The following WWOX variants were observed in gnomAD, a reference collection of about 807,000 sequenced individuals.
WWOX encodes the protein WW domain-containing oxidoreductase.
WWOX carries 69 observed loss-of-function variants against 46.2 expected under a neutral mutation model. The observed-to-expected ratio is 1.49, with a 90% CI of 1.23 to 1.82. The LOEUF is 1.82. Among genes scored for constraint, WWOX ranks in the 40% most tolerant of loss-of-function variants. The pLI, the probability that WWOX is intolerant of heterozygous loss-of-function variation, is 0.00. For missense variants in WWOX, 919 were observed against 542.6 expected (o/e 1.69, Z -6.89); for synonymous variants, 359 against 202.6 (o/e 1.77, Z -6.56).
intron 8 of WWOX, among the ~76,000 whole-genome samples, chr16:79,003,478 T>G (rs908711386): frequency 5.3e-5 from 8 of 152,210 alleles, no homozygotes; most frequent in African/African-American, 1.9e-4. Flanking sequence ...GACAACAGTT[T>G]TATTACATCT....
At chr16:78,402,947 C>T (rs1417485939) in intron 6 of WWOX, among the ~76,000 whole-genome samples, 1 of 152,164 alleles carries the variant, frequency 6.6e-6, no homozygotes, top group East Asian at 1.9e-4. Context: ...TGTATTTCTT[C>T]ATTAGCTATT....
rs1362285119 is a variant in WWOX, at chr16:79,186,261, G to C, written c.1057-25347G>C. ...CTGTAACAAACTGCACAGCCTAGAGGGCTTCAAACAACAGGAATATTATCT... is the reference window on the plus strand; with the variant it reads ...CTGTAACAAACTGCACAGCCTAGAGCGCTTCAAACAACAGGAATATTATCT... On this transcript the variant is annotated intron_variant, in intron 8 of 8. Transcript: ENST00000566780. Among the ~76,000 whole-genome samples the C allele has an allele frequency of 2.0e-5, 3 of 152,138 alleles. No homozygotes were observed. In the East Asian group the frequency reaches 5.8e-4, roughly 29 times the overall value.
chr16:79,060,436 C>G (rs1033925949), intron 8 of WWOX, among the ~76,000 whole-genome samples: 4 of 152,216 alleles, frequency 2.6e-5, no homozygotes, highest in African/African-American at 9.7e-5. Flanking sequence ...CTTTCTGATG[C>G]CACTGAAGAT....
At chr16:78,386,688 T>C (rs949316772) in intron 5 of WWOX, among the ~76,000 whole-genome samples, 172 bp from the exon 6 acceptor site, 7 of 100,322 alleles carry the variant, frequency 7.0e-5, no homozygotes, top group African/African-American at 2.8e-4. Context: ...CTCCCCGAAC[T>C]TGGCAGTAAA....
chr16:78,817,364 T>C (rs1045886861), intron 8 of WWOX, among the ~76,000 whole-genome samples: 2 of 152,106 alleles, frequency 1.3e-5, no homozygotes, highest in African/African-American at 4.8e-5. Flanking sequence ...GCATTTCTCC[T>C]ATTCCTAGTG....
rs184441065 is a variant in WWOX, at chr16:78,974,360, A to C, written c.1057-237248A>C. On this transcript the variant is annotated intron_variant, in intron 8 of 8. Transcript: ENST00000566780. Reference sequence around the variant, plus strand: ...TGTGTGTCACATCAATAAACATCTTAATTGAACAGTACGTGGGTTCTTCCC... The same window carrying C: ...TGTGTGTCACATCAATAAACATCTTCATTGAACAGTACGTGGGTTCTTCCC... Among the ~76,000 whole-genome samples the C allele has an allele frequency of 1.7e-3, 265 of 152,286 alleles. 1 individual carries two copies. The highest frequency in any genetic ancestry group is 5.6e-3 in the African/African-American group (234 of 41,550).
chr16:78,739,404 A>C (rs1455494200), intron 8 of WWOX, among the ~76,000 whole-genome samples: 1 of 152,180 alleles, frequency 6.6e-6, no homozygotes, highest in Non-Finnish European at 1.5e-5. Flanking sequence ...ATTGGATGTC[A>C]TGTGCTTTCA....
intron 5 of WWOX, among the ~76,000 whole-genome samples, chr16:78,207,873 C>T (rs186881251): frequency 4.6e-5 from 7 of 151,958 alleles, no homozygotes; most frequent in Admixed American, 2.6e-4. Flanking sequence ...AGTACAGTGG[C>T]GTGATCTTGG....
At chr16:78,601,321 G>C (rs1186438149) in intron 8 of WWOX, among the ~76,000 whole-genome samples, 1 of 152,004 alleles carries the variant, frequency 6.6e-6, no homozygotes, top group Non-Finnish European at 1.5e-5. Context: ...ATAAACTGTT[G>C]GAGACAGATT....
intron 8 of WWOX, among the ~76,000 whole-genome samples, chr16:79,020,814 A>G (rs763408970): frequency 9.2e-5 from 14 of 152,174 alleles, no homozygotes; most frequent in Non-Finnish European, 2.1e-4. Context: ...ATCTCCCTGA[A>G]AATAAGTGGT....
chr16:78,244,723 A>G (rs566939593), intron 5 of WWOX, among the ~76,000 whole-genome samples: 1 of 152,310 alleles, frequency 6.6e-6, no homozygotes, highest in Non-Finnish European at 1.5e-5. Flanking sequence ...CAACACTTGC[A>G]CCTGCAGTTA....
chr16:78,106,529 G>T (rs2032160356), intron 1 of WWOX, among the ~76,000 whole-genome samples: 1 of 146,840 alleles, frequency 6.8e-6, no homozygotes, highest in Non-Finnish European at 1.5e-5. Flanking sequence ...CAATTCTCCT[G>T]CCTCAGCTTC....
Position 78,460,599 on chromosome 16 carries a change from A to T in WWOX, c.1056+27847A>T, listed in dbSNP as rs1347566666. Among the ~76,000 whole-genome samples the T allele has an allele frequency of 5.9e-5, 9 of 152,162 alleles. No homozygotes were observed. The East Asian group carries it at 1.5e-3, about 26-fold the overall frequency. On this transcript the variant is annotated intron_variant, in intron 8 of 8. Transcript: ENST00000566780. Reference sequence around the variant, plus strand: ...GTTTTGCAGAACACTGGCCTGAATGACTCAGACTTGGAGCTTGAAAGAGGG... The same window carrying T: ...GTTTTGCAGAACACTGGCCTGAATGTCTCAGACTTGGAGCTTGAAAGAGGG...
chr16:78,795,399 A>T (rs550471329), intron 8 of WWOX, among the ~76,000 whole-genome samples: 6 of 152,236 alleles, frequency 3.9e-5, no homozygotes, highest in African/African-American at 1.4e-4. Flanking sequence ...AATGAGTAGG[A>T]TGGAAAGGAG....
chr16:79,084,153 C>T (rs933608557), intron 8 of WWOX, among the ~76,000 whole-genome samples: 1 of 152,006 alleles, frequency 6.6e-6, no homozygotes, highest in Non-Finnish European at 1.5e-5. Flanking sequence ...AGGGTGGGGC[C>T]GCAGCTCTCA....
chr16:78,131,276 G>C (rs915137509), intron 4 of WWOX, among the ~76,000 whole-genome samples: 1 of 152,140 alleles, frequency 6.6e-6, no homozygotes, highest in African/African-American at 2.4e-5. Flanking sequence ...GCATCAGCGT[G>C]ATCATAGCTC....
chr16:78,963,447 G>A (rs200021263), intron 8 of WWOX, among the ~76,000 whole-genome samples: 3 of 152,242 alleles, frequency 2.0e-5, no homozygotes, highest in East Asian at 1.9e-4. Context: ...CAACTTGGGC[G>A]ACAGAGTAAT....
intron 8 of WWOX, among the ~76,000 whole-genome samples, chr16:78,788,365 T>G (rs2050508358): frequency 6.6e-6 from 1 of 152,214 alleles, no homozygotes; most frequent in Admixed American, 6.5e-5. Context: ...TTGTCTCCTG[T>G]CCTTCTTTCA....
At chr16:78,586,039 AAAC>A (rs200093003) in intron 8 of WWOX, among the ~76,000 whole-genome samples, 2,627 of 152,026 alleles carry the variant, frequency 0.017, 59 homozygotes, top group East Asian at 0.054. Flanking sequence ...CTCTACCAAA[AAAC>A]AACAACAACA....
Sources: gnomAD v4.1 joint callset for allele counts (sites outside exome capture counted in the v4.1 genomes callset) on GRCh38, gnomAD v4.1.1 for gene constraint, MANE v1.5 for transcripts, NCBI Gene and HGNC (gene_info 2026-07-23, HGNC 2026-07-21) for gene names.